GMDS: variants seen among roughly 807,000 people sequenced by gnomAD.
The protein encoded by GMDS is GDP-mannose 4,6-dehydratase.
In GMDS, 20 loss-of-function variants were observed where a neutral mutation model predicts 49.9. The ratio of observed to expected loss-of-function variants is 0.40; its 90% CI spans 0.28 to 0.58. GMDS has a LOEUF of 0.58. Ranked by LOEUF, GMDS falls within the 20% of genes least tolerant of loss-of-function variation. GMDS has a pLI of 0.42. For synonymous variants in GMDS, 177 were observed against 178.6 expected (o/e 0.99, Z 0.07); for missense variants, 362 against 481.4 (o/e 0.75, Z 2.32).
intron 4 of GMDS, among the ~76,000 whole-genome samples, chr6:2,064,073 G>A (rs1771362139): frequency 6.6e-6 from 1 of 152,092 alleles, no homozygotes; most frequent in South Asian, 2.1e-4. Context: ...AGACCATGTG[G>A]AAAAGAGATC....
intron 7 of GMDS, among the ~76,000 whole-genome samples, chr6:1,899,489 T>A (rs1415098035): frequency 6.6e-6 from 1 of 151,844 alleles, no homozygotes; most frequent in East Asian, 1.9e-4. Context: ...TTTTAAGGAG[T>A]AGACTCCGTT....
chr6:1,890,363 C>T (rs1291896642), intron 7 of GMDS, among the ~76,000 whole-genome samples: 1 of 152,082 alleles, frequency 6.6e-6, no homozygotes, highest in Non-Finnish European at 1.5e-5. Context: ...CCTTTCATGT[C>T]GGCTGAATAT....
chr6:1,659,993 C>T (rs1037554980), intron 9 of GMDS, among the ~76,000 whole-genome samples: 7 of 152,218 alleles, frequency 4.6e-5, no homozygotes, highest in East Asian at 3.9e-4. Context: ...AAGGAAGTCT[C>T]GGTGGCCTAG....
intron 7 of GMDS, among the ~76,000 whole-genome samples, chr6:1,784,083 A>G (rs917462172): frequency 1.3e-5 from 2 of 152,214 alleles, no homozygotes; most frequent in African/African-American, 4.8e-5. Flanking sequence ...TGTTGTAATA[A>G]AAGTAATATT....
intron 4 of GMDS, among the ~76,000 whole-genome samples, chr6:2,035,148 C>T (rs1769220344): frequency 6.6e-6 from 1 of 152,194 alleles, no homozygotes; most frequent in South Asian, 2.1e-4. Flanking sequence ...ACAGAACCCT[C>T]CCCCTGAACA....
At chr6:1,787,425 G>C (rs3823274) in intron 7 of GMDS, among the ~76,000 whole-genome samples, 13,227 of 152,184 alleles carry the variant, frequency 0.087, 709 homozygotes, top group South Asian at 0.19. Flanking sequence ...CTCAGAACAC[G>C]AGAGGCCCCA....
At chr6:1,936,593 C>G (rs1321419935) in intron 6 of GMDS, among the ~76,000 whole-genome samples, 2 of 152,184 alleles carry the variant, frequency 1.3e-5, no homozygotes, top group African/African-American at 4.8e-5. Flanking sequence ...TAAGCCACAT[C>G]TACGTCCCAT....
intron 7 of GMDS, among the ~76,000 whole-genome samples, chr6:1,820,884 C>T (rs1055515215): frequency 3.3e-5 from 5 of 152,222 alleles, no homozygotes; most frequent in African/African-American, 1.2e-4. Flanking sequence ...GAAATCTCTG[C>T]TCCTGGCCAC....
chr6:2,140,185 C>G (rs1222388421), intron 1 of GMDS, among the ~76,000 whole-genome samples: 1 of 152,116 alleles, frequency 6.6e-6, no homozygotes, highest in African/African-American at 2.4e-5. Flanking sequence ...CGTGGATTAT[C>G]TGGGTGAACT....
chr6:1,898,887 C>T (rs188457396), intron 7 of GMDS, among the ~76,000 whole-genome samples: 267 of 152,274 alleles, frequency 1.8e-3, no homozygotes, highest in Non-Finnish European at 3.1e-3. Flanking sequence ...GGGGCTCCTG[C>T]CCTAACGGAA....
intron 4 of GMDS, among the ~76,000 whole-genome samples, chr6:2,084,088 T>C (rs1018206018): frequency 6.6e-6 from 1 of 152,206 alleles, no homozygotes; most frequent in Non-Finnish European, 1.5e-5. Flanking sequence ...ATATTTTAGG[T>C]AAATGCAAGT....
chr6:2,059,047 G>C (rs973382056), intron 4 of GMDS, among the ~76,000 whole-genome samples: 2 of 151,484 alleles, frequency 1.3e-5, no homozygotes, highest in African/African-American at 4.9e-5. Flanking sequence ...GTGGTGGCGG[G>C]TGCCTGTAAT....
At chr6:1,818,179 TG>T (rs1405584136) in intron 7 of GMDS, among the ~76,000 whole-genome samples, 1 of 152,250 alleles carries the variant, frequency 6.6e-6, no homozygotes, top group Non-Finnish European at 1.5e-5. Flanking sequence ...CTCCTGTATC[TG>T]TTAAATTTCT....
chr6:1,904,306 G>A (rs567510365), intron 7 of GMDS, among the ~76,000 whole-genome samples: 3 of 152,248 alleles, frequency 2.0e-5, no homozygotes, highest in African/African-American at 7.2e-5. Context: ...CTGGGAAAAG[G>A]AGGAAACCCT....
intron 7 of GMDS, among the ~76,000 whole-genome samples, chr6:1,827,346 C>G (rs933268376): frequency 7.0e-6 from 1 of 142,612 alleles, no homozygotes; most frequent in Non-Finnish European, 1.5e-5. Context: ...TGTATATACA[C>G]ACGTTTTGGA....
At chr6:1,783,018 GT>G (rs1468564608) in intron 7 of GMDS, among the ~76,000 whole-genome samples, 1 of 152,082 alleles carries the variant, frequency 6.6e-6, no homozygotes, top group Non-Finnish European at 1.5e-5. Context: ...AGTCGGGCAT[GT>G]TAGCATGCAA....
intron 1 of GMDS, among the ~76,000 whole-genome samples, chr6:2,196,381 A>C (rs1779276477): frequency 6.6e-6 from 1 of 152,218 alleles, no homozygotes; most frequent in South Asian, 2.1e-4. Context: ...CTTTTACCAA[A>C]ATGTAGTAAT....
At chr6:2,214,014 T>C (rs542316075) in intron 1 of GMDS, among the ~76,000 whole-genome samples, 163 of 152,316 alleles carry the variant, frequency 1.1e-3, no homozygotes, top group African/African-American at 3.4e-3. Flanking sequence ...AGGAAAAATG[T>C]ATGAATCCTC....
In GMDS at chr6:1,639,248, G is replaced by A. The variant is rs545605563; in HGVS notation, c.988-14708C>T. 7.2e-5 allele frequency among the ~76,000 whole-genome samples: 11 copies of A among 152,322 alleles called. No homozygotes were observed. In the South Asian group the frequency reaches 1.9e-3, roughly 26 times the overall value. ...CTTGCAGAAACAGATACTGGGTGAC[G>A]TGCCTAGCATTTTCCCACTGGGGGA... On this transcript the variant is annotated intron_variant, in intron 9 of 10. Coordinates refer to ENST00000380815, the MANE Select transcript of GMDS (RefSeq NM_001500.4).
Sources: allele counts gnomAD v4.1 joint callset (sites outside exome capture counted in the v4.1 genomes callset), GRCh38; gene constraint gnomAD v4.1.1; transcripts MANE v1.5; gene names NCBI Gene and HGNC (gene_info 2026-07-23, HGNC 2026-07-21).